Variants in THAP4 observed in about 807,000 individuals in gnomAD.
The protein encoded by THAP4 is THAP domain containing 4, also known as peroxynitrite isomerase THAP4.
THAP4 carries 18 observed loss-of-function variants against 48.1 expected under a neutral mutation model. The observed-to-expected ratio is 0.37, with a 90% CI of 0.26 to 0.56. THAP4 has a LOEUF of 0.56. THAP4 is among the 20% of genes least tolerant of loss of function. THAP4 has a pLI of 0.78. For synonymous variants in THAP4, 345 were observed against 324.9 expected (o/e 1.06, Z -0.66); for missense variants, 656 against 774.9 (o/e 0.85, Z 1.82).
At position 241,601,767 on chromosome 2, in the gene THAP4, A is replaced by G. The variant is rs775643842; in HGVS notation, c.1614+129T>C. The stretch of plus-strand genomic sequence containing the variant: ...GATGGTCCGAGAAGGGAAAAGAAGG[A>G]GACAGTGAAGACAGGCCTGTGAGAC... On this transcript the variant is annotated intron_variant, in intron 5 of 5. Coordinates refer to ENST00000407315, the MANE Select transcript of THAP4 (RefSeq NM_015963.6). The surrounding 1 kb of genome is among the most constrained non-coding windows in gnomAD (Gnocchi z 4.0). The G allele has an allele frequency of 6.6e-7, 1 of 1,514,950 alleles. No homozygotes were observed. The highest frequency in any genetic ancestry group is 1.2e-5 in the South Asian group (1 of 82,764). The allele number at this position is 1,514,950 out of a possible 1,614,324, so 93.8% of individuals were successfully genotyped here.
At chr2:241,625,286 G>A (rs1417138658) in intron 2 of THAP4, among the ~76,000 whole-genome samples, 2 of 151,934 alleles carry the variant, frequency 1.3e-5, no homozygotes, top group Admixed American at 1.3e-4. Flanking sequence ...ACCAGCCTGG[G>A]CAACAGGCTG....
chr2:241,601,933 G>A lies in THAP4; in HGVS notation c.1577C>T (p.Ala526Val). The A allele has an allele frequency of 6.2e-7, 1 of 1,613,668 alleles. No homozygotes were observed. Among genetic ancestry groups the A allele is most frequent in the Non-Finnish European group, 8.5e-7 (1 of 1,180,030 alleles). The part of the protein sequence containing the change: ...QELCIASHSI[A>V]RISFAKEPHV... ...GGGCTCCTTGGCGAAGGAGATCCTG[G>A]CGATGGAGTGGGATGCGATGCACAG... Residue 526 changes from alanine to valine, a missense_variant, in exon 5 of 6, where the codon GCC becomes GTC. This residue lies in a region of THAP4 where 176 missense variants were observed against 256.7 expected (regional missense o/e 0.69). Transcript: ENST00000407315. This position sits in a 1 kb window ranked among gnomAD's most constrained non-coding sequence, Gnocchi z 4.0.
At chr2:241,613,415 T>G (rs2067301865) in intron 2 of THAP4, among the ~76,000 whole-genome samples, 2 of 152,174 alleles carry the variant, frequency 1.3e-5, no homozygotes, top group African/African-American at 4.8e-5. Context: ...CCCTGAGAGC[T>G]GACACCACAG....
upstream of THAP4, chr2:241,637,486 C>T (rs1324147765): frequency 1.4e-6 from 2 of 1,450,836 alleles, no homozygotes; most frequent in African/African-American, 3.0e-5. Context: ...GCAGAACCAG[C>T]CGTCGTCCCA....
At chr2:241,627,195 G>A (rs2067504583) in intron 2 of THAP4, among the ~76,000 whole-genome samples, 1 of 151,948 alleles carries the variant, frequency 6.6e-6, no homozygotes, top group Non-Finnish European at 1.5e-5. Flanking sequence ...CTACAAATAG[G>A]GTCCATAGTT....
Position 241,595,014 on chromosome 2 carries a change from CT to C in THAP4, c.1614+6881del, listed in dbSNP as rs913048532. On this transcript the variant is annotated intron_variant, in intron 5 of 5. Transcript: ENST00000407315. ...AGCGATCTGAATAGTATGTGAAGAT[CT>C]TTTTTTTTCTTTTCTGATAACAGAG... Among the ~76,000 whole-genome samples the C allele has an allele frequency of 1.1e-3, 172 of 151,748 alleles. 1 individual carries two copies. The highest frequency in any genetic ancestry group is 3.7e-3 in the African/African-American group (155 of 41,390).
In THAP4 at chr2:241,636,960, G is replaced by A; in HGVS notation, c.58C>T (p.Arg20Cys). The A allele has an allele frequency of 3.1e-6, 4 of 1,307,728 alleles. No individual in the cohort carries two copies. The highest frequency in any genetic ancestry group is 2.3e-5 in the Admixed American group (1 of 44,360). 81.0% of individuals were successfully genotyped at this position (1,307,728 alleles called of 1,614,324 possible). Residue 20 changes from arginine (R) to cysteine (C), a missense_variant, in exon 1 of 6, where the codon CGC becomes TGC. Coordinates refer to ENST00000407315, the MANE Select transcript of THAP4 (RefSeq NM_015963.6). Reference protein sequence around the residue: ...CSNRQGKGEKRAVSFHRFPLK... With the variant: ...CSNRQGKGEKCAVSFHRFPLK... ...GCGTACCTGTGGAAGGAGACGGCGC[G>A]CTTCTCGCCCTTTCCCTGCCGGTTG...
At chr2:241,584,750 T>G (rs776759507) in intron 5 of THAP4, 25 bp from the exon 6 acceptor site, 1 of 1,613,962 alleles carries the variant, frequency 6.2e-7, no homozygotes, top group African/African-American at 1.3e-5. Flanking sequence ...GGAACAAAGA[T>G]AGCTTAGTTT....
At chr2:241,603,191 C>T in intron 3 of THAP4, 112 bp from the exon 4 acceptor site, 1 of 771,214 alleles carries the variant, frequency 1.3e-6, no homozygotes, top group Non-Finnish European at 2.2e-6. Flanking sequence ...TCCAGCCACA[C>T]CCGCACACCT....
At chr2:241,628,165 C>A (rs1189299835) in intron 2 of THAP4, among the ~76,000 whole-genome samples, 3 of 152,090 alleles carry the variant, frequency 2.0e-5, no homozygotes, top group Non-Finnish European at 4.4e-5. Context: ...AGAGTAGCAC[C>A]CAGCACAGCA....
At chr2:241,598,440 C>T (rs749487026) in intron 5 of THAP4, among the ~76,000 whole-genome samples, 8 of 152,186 alleles carry the variant, frequency 5.3e-5, no homozygotes, top group Non-Finnish European at 1.0e-4. Flanking sequence ...CATGATCCAA[C>T]ACTGATGAGC....
intron 2 of THAP4, among the ~76,000 whole-genome samples, chr2:241,620,062 AGGG>A: frequency 2.2e-5 from 1 of 46,414 alleles, no homozygotes; most frequent in Non-Finnish European, 3.9e-5. Flanking sequence ...GGGGTGAGTG[AGGG>A]GTGAGTGAGT....
At chr2:241,622,913 T>C (rs2067450109) in intron 2 of THAP4, among the ~76,000 whole-genome samples, 1 of 152,092 alleles carries the variant, frequency 6.6e-6, no homozygotes, top group Non-Finnish European at 1.5e-5. Flanking sequence ...GAATATATGT[T>C]GACTATAAGA....
rs1443681299 is a variant in THAP4 at position 241,610,495 on chromosome 2, C to A, written c.1241-4022G>T. Among the ~76,000 whole-genome samples the A allele has an allele frequency of 1.3e-5, 2 of 152,188 alleles. No homozygotes were observed. The highest frequency in any genetic ancestry group is 1.3e-4 in the Admixed American group (2 of 15,284). On this transcript the variant is annotated intron_variant, in intron 2 of 5. Transcript: ENST00000407315. The surrounding 1 kb of genome is among the most constrained non-coding windows in gnomAD (Gnocchi z 4.2). ...CCTAGCAGGCGTCACAGGGCTCACT[C>A]AAGAGCTCCAGCAAGAGCAGAGGCG...
chr2:241,601,902 T>C lies in THAP4; in HGVS notation c.1608A>G (p.Val536=), dbSNP rs757796195. The change falls in exon 5 of 6, where the codon GTA becomes GTG. Residue 536 remains valine (V), a synonymous_variant. Transcript: ENST00000407315. This position sits in a 1 kb window ranked among gnomAD's most constrained non-coding sequence, Gnocchi z 4.0. Reference sequence around the variant, plus strand: ...GGAGCAGGGCTGGGCTCACCTGCTCTACGTGGGGCTCCTTGGCGAAGGAGA... The same window carrying C: ...GGAGCAGGGCTGGGCTCACCTGCTCCACGTGGGGCTCCTTGGCGAAGGAGA... ...ARISFAKEPH[V]EQITRKFRLN... 3.7e-6 allele frequency: 6 copies of C among 1,613,990 alleles called. No individual in the cohort carries two copies. Among genetic ancestry groups the C allele is most frequent in the South Asian group, 1.1e-5 (1 of 91,062 alleles).
chr2:241,603,973 C>A lies in THAP4; in HGVS notation c.1401-894G>T, dbSNP rs540098388. Among the ~76,000 whole-genome samples, 219 of 151,504 alleles carry A rather than the reference C, an allele frequency of 1.4e-3. 1 individual carries two copies. Among genetic ancestry groups the A allele is most frequent in the Non-Finnish European group, 2.4e-3 (161 of 67,936 alleles). On this transcript the variant is annotated intron_variant, in intron 3 of 5. Coordinates refer to ENST00000407315, the MANE Select transcript of THAP4 (RefSeq NM_015963.6). ...TTGAGACAGGGCTGGGCAACACAGACCCTGTTTCTACAAAAATAAAAACAA... is the reference window on the plus strand; with the variant it reads ...TTGAGACAGGGCTGGGCAACACAGAACCTGTTTCTACAAAAATAAAAACAA...
At position 241,589,958 on chromosome 2, in the gene THAP4, TG is replaced by T. The variant is rs539970686; in HGVS notation, c.1615-5234del. Among the ~76,000 whole-genome samples, 3 of 151,554 alleles carry T rather than the reference TG, an allele frequency of 2.0e-5. No homozygotes were observed. In the South Asian group the frequency reaches 6.3e-4, roughly 32 times the overall value. On this transcript the variant is annotated intron_variant, in intron 5 of 5. Coordinates refer to ENST00000407315, the MANE Select transcript of THAP4 (RefSeq NM_015963.6). Reference sequence around the variant, plus strand: ...GCTGTGACTCCACTGATGATAATGATGGGCACTAGGACACTCAGAGCTGCTC... The same window carrying T: ...GCTGTGACTCCACTGATGATAATGATGGCACTAGGACACTCAGAGCTGCTC...
intron 5 of THAP4, among the ~76,000 whole-genome samples, chr2:241,597,795 T>C (rs906109041): frequency 2.0e-5 from 3 of 152,178 alleles, no homozygotes; most frequent in Admixed American, 6.5e-5. Context: ...AGTCGCTCGG[T>C]AGAGGTCCCC....
rs955314613 is a variant in THAP4 at position 241,610,608 on chromosome 2, C to A, written c.1241-4135G>T. Among the ~76,000 whole-genome samples, 1 of 152,090 alleles carries A rather than the reference C, an allele frequency of 6.6e-6. No individual in the cohort carries two copies. The highest frequency in any genetic ancestry group is 1.5e-5 in the Non-Finnish European group (1 of 68,004). The stretch of plus-strand genomic sequence containing the variant: ...CTCCCCACTCCTGCTTCCCCAGCCA[C>A]GGGGTCTTCTCCCGGCCCCTCATCT... On this transcript the variant is annotated intron_variant, in intron 2 of 5. Transcript: ENST00000407315. The surrounding 1 kb of genome is among the most constrained non-coding windows in gnomAD (Gnocchi z 4.2).
Sources: gnomAD v4.1 joint callset for allele counts (sites outside exome capture counted in the v4.1 genomes callset) on GRCh38, gnomAD v4.1.1 for gene constraint, gnomAD v4.1.1 regional missense constraint, Gnocchi (gnomAD v3.1) non-coding constraint, MANE v1.5 for transcripts, NCBI Gene and HGNC (gene_info 2026-07-23, HGNC 2026-07-21) for gene names.